GNA14: variants seen among roughly 807,000 people sequenced by gnomAD.
The protein encoded by GNA14 is guanine nucleotide-binding protein subunit alpha-14.
In GNA14, 50 loss-of-function variants were observed where a neutral mutation model predicts 42.0. The observed-to-expected ratio is 1.19, with a 90% CI of 0.95 to 1.51. The LOEUF is 1.51. Ranked by LOEUF, GNA14 falls within the 40% of genes most tolerant of loss-of-function variation. The pLI is 0.00. For missense variants in GNA14, 473 were observed against 446.2 expected, an observed-to-expected ratio of 1.06 and a Z score of -0.54; for synonymous variants, 173 against 163.1, an observed-to-expected ratio of 1.06 and a Z score of -0.46.
chr9:77,426,271 C>G (rs548321860), intron 5 of GNA14, among the ~76,000 whole-genome samples: 88 of 148,968 alleles, frequency 5.9e-4, no homozygotes, highest in Non-Finnish European at 8.8e-4. Flanking sequence ...AGCAGTGGCC[C>G]GTTTGATGGG....
At chr9:77,513,375 C>A (rs2131752032) in intron 2 of GNA14, among the ~76,000 whole-genome samples, 1 of 152,318 alleles carries the variant, frequency 6.6e-6, no homozygotes, top group East Asian at 1.9e-4. Context: ...CCTCCACAAA[C>A]CTTAGTGCCT....
chr9:77,600,299 C>A (rs761414195), intron 1 of GNA14, among the ~76,000 whole-genome samples: 46 of 152,184 alleles, frequency 3.0e-4, no homozygotes, highest in Non-Finnish European at 2.9e-5. Context: ...TTTTTAAAGA[C>A]GGTCACGTCC....
chr9:77,468,977 T>TCAG, intron 2 of GNA14, among the ~76,000 whole-genome samples: 1 of 152,352 alleles, frequency 6.6e-6, no homozygotes, highest in East Asian at 1.9e-4. Context: ...TTTGTGAATT[T>TCAG]CAGCAGCCCT....
At chr9:77,441,092 T>C (rs10441801) in intron 2 of GNA14, among the ~76,000 whole-genome samples, 18,849 of 152,200 alleles carry the variant, frequency 0.12, 1,245 homozygotes, top group Middle Eastern at 0.17. Flanking sequence ...AGCAAATTGC[T>C]CCTGTCTTAA....
chr9:77,431,070 G>C (rs989993372), intron 4 of GNA14, among the ~76,000 whole-genome samples: 1 of 150,990 alleles, frequency 6.6e-6, no homozygotes, highest in Admixed American at 6.6e-5. Context: ...GTGTATGAGT[G>C]TGTGTTACAC....
At chr9:77,436,873 A>G (rs1835646125) in intron 2 of GNA14, among the ~76,000 whole-genome samples, 1 of 152,330 alleles carries the variant, frequency 6.6e-6, no homozygotes, top group East Asian at 1.9e-4. Flanking sequence ...ACCTAACAAG[A>G]CAGAAAATTA....
intron 1 of GNA14, among the ~76,000 whole-genome samples, chr9:77,547,204 G>C (rs750867085): frequency 2.6e-5 from 4 of 152,176 alleles, no homozygotes; most frequent in Non-Finnish European, 4.4e-5. Flanking sequence ...CCAACTGTCT[G>C]CTTTGTTTCA....
intron 1 of GNA14, among the ~76,000 whole-genome samples, chr9:77,563,983 C>T (rs1387792945): frequency 2.0e-5 from 3 of 152,144 alleles, no homozygotes; most frequent in Non-Finnish European, 4.4e-5. Context: ...TGGTACACCA[C>T]CATTTTTGCA....
At position 77,609,697 on chromosome 9, in the gene GNA14, C is replaced by T. The variant is rs534924727; in HGVS notation, c.124+37973G>A. 7.9e-5 allele frequency among the ~76,000 whole-genome samples: 12 copies of T among 152,294 alleles called. No individual in the cohort carries two copies. The East Asian group carries it at 2.1e-3, about 27-fold the overall frequency. ...GGGGAGAAAACACATCCTGATTTTTCAGGCAGCCATCACGCCTTATTGCTG... is the reference window on the plus strand; with the variant it reads ...GGGGAGAAAACACATCCTGATTTTTTAGGCAGCCATCACGCCTTATTGCTG... On this transcript the variant is annotated intron_variant, in intron 1 of 6. Coordinates refer to ENST00000341700, the MANE Select transcript of GNA14 (RefSeq NM_004297.4).
chr9:77,495,803 T>C (rs551570963), intron 2 of GNA14, among the ~76,000 whole-genome samples: 1 of 152,330 alleles, frequency 6.6e-6, no homozygotes, highest in African/African-American at 2.4e-5. Flanking sequence ...AGGGCTTCCA[T>C]TGTTTTTTAA....
intron 2 of GNA14, among the ~76,000 whole-genome samples, chr9:77,445,222 G>A (rs1424865712): frequency 6.6e-6 from 1 of 152,182 alleles, no homozygotes; most frequent in African/African-American, 2.4e-5. Flanking sequence ...GCGGGGGTAC[G>A]AGAAAGGGAC....
chr9:77,561,420 T>G (rs1822880336), intron 1 of GNA14, among the ~76,000 whole-genome samples: 1 of 152,168 alleles, frequency 6.6e-6, no homozygotes, highest in South Asian at 2.1e-4. Flanking sequence ...TAAAATGCCA[T>G]GCAAGTAATG....
intron 1 of GNA14, among the ~76,000 whole-genome samples, chr9:77,546,215 CA>C (rs764378681): frequency 0.11 from 4,518 of 42,896 alleles, 45 homozygotes; most frequent in East Asian, 0.29. Flanking sequence ...AGCTCCATCT[CA>C]AAAAAAAAAA....
At chr9:77,456,674 A>ATTCT (rs1836005084) in intron 2 of GNA14, among the ~76,000 whole-genome samples, 1 of 152,222 alleles carries the variant, frequency 6.6e-6, no homozygotes, top group African/African-American at 2.4e-5. Context: ...TCTAAAACAG[A>ATTCT]GTATGAAAAA....
At chr9:77,481,725 G>T (rs577420742) in intron 2 of GNA14, among the ~76,000 whole-genome samples, 205 of 152,226 alleles carry the variant, frequency 1.3e-3, no homozygotes, top group Middle Eastern at 3.4e-3. Context: ...TTATGAATCT[G>T]GGTGCTCCTG....
intron 2 of GNA14, among the ~76,000 whole-genome samples, chr9:77,477,870 T>A (rs1035134737): frequency 7.3e-5 from 11 of 151,468 alleles, no homozygotes; most frequent in Non-Finnish European, 1.3e-4. Flanking sequence ...GTGAGGAAAA[T>A]TGAAGAAATT....
At chr9:77,614,407 T>C (rs557483030) in intron 1 of GNA14, among the ~76,000 whole-genome samples, 2 of 152,178 alleles carry the variant, frequency 1.3e-5, no homozygotes, top group African/African-American at 2.4e-5. Flanking sequence ...TATCTGACAG[T>C]ACCCCATTTT....
At chr9:77,455,442 G>C (rs932129394) in intron 2 of GNA14, among the ~76,000 whole-genome samples, 1 of 152,190 alleles carries the variant, frequency 6.6e-6, no homozygotes, top group Non-Finnish European at 1.5e-5. Context: ...CTAATCGTGG[G>C]AGTGACAGCC....
chr9:77,496,010 A>C (rs932997255), intron 2 of GNA14, among the ~76,000 whole-genome samples: 1 of 152,156 alleles, frequency 6.6e-6, no homozygotes, highest in Non-Finnish European at 1.5e-5. Flanking sequence ...TAAGGAATGG[A>C]TCCCAAGAGA....
Sources: allele counts gnomAD v4.1 joint callset (sites outside exome capture counted in the v4.1 genomes callset), GRCh38; gene constraint gnomAD v4.1.1; transcripts MANE v1.5; gene names NCBI Gene and HGNC (gene_info 2026-07-23, HGNC 2026-07-21).